SLIT3: variants seen among roughly 807,000 people sequenced by gnomAD.
SLIT3 encodes the protein slit homolog 3 protein.
A neutral mutation model predicts 184.0 loss-of-function variants in SLIT3; 68 were observed. The observed-to-expected ratio is 0.37, with a 90% CI of 0.30 to 0.45. SLIT3 has a LOEUF of 0.45. SLIT3 is among the 20% of genes least tolerant of loss of function. The pLI is 1.00. For missense variants in SLIT3, 1,707 were observed against 2,026.0 expected, an observed-to-expected ratio of 0.84 and a Z score of 3.02; for synonymous variants, 831 against 828.6, an observed-to-expected ratio of 1.00 and a Z score of -0.05.
At chr5:168,891,774 T>C (rs1287014952) in intron 4 of SLIT3, among the ~76,000 whole-genome samples, 1 of 152,240 alleles carries the variant, frequency 6.6e-6, no homozygotes, top group Non-Finnish European at 1.5e-5. Context: ...GCTCTGTGAC[T>C]AGTTACCAAT....
At chr5:168,909,662 G>A (rs1350786700) in intron 4 of SLIT3, among the ~76,000 whole-genome samples, 1 of 152,184 alleles carries the variant, frequency 6.6e-6, no homozygotes, top group Non-Finnish European at 1.5e-5. Flanking sequence ...TGAGAATAGA[G>A]CCTGAAGATT....
At chr5:169,175,881 T>C (rs1415462648) in intron 4 of SLIT3, among the ~76,000 whole-genome samples, 2 of 152,186 alleles carry the variant, frequency 1.3e-5, no homozygotes, top group Middle Eastern at 3.2e-3. Context: ...TATGTCTCCA[T>C]GTTGGCTGCA....
chr5:168,872,015 C>G lies in SLIT3; in HGVS notation c.485+11250G>C, dbSNP rs552785810. Among the ~76,000 whole-genome samples, 10 of 152,318 alleles carry G rather than the reference C, an allele frequency of 6.6e-5. No homozygotes were observed. The East Asian group carries it at 1.4e-3, about 21-fold the overall frequency. On this transcript the variant is annotated intron_variant, in intron 5 of 35. Coordinates refer to ENST00000519560, the MANE Select transcript of SLIT3 (RefSeq NM_003062.4). Reference sequence around the variant, plus strand: ...ACTGGTCTTTTCTCTGAAGGAGAGACTTTCACACTCATACGCTTCACACTG... The same window carrying G: ...ACTGGTCTTTTCTCTGAAGGAGAGAGTTTCACACTCATACGCTTCACACTG...
chr5:168,821,873 G>A (rs1282739642), intron 7 of SLIT3, among the ~76,000 whole-genome samples: 1 of 152,180 alleles, frequency 6.6e-6, no homozygotes, highest in Non-Finnish European at 1.5e-5. Flanking sequence ...CAAACTCTGT[G>A]TCCTTCTTAG....
At chr5:169,037,211 G>A (rs1757285637) in intron 4 of SLIT3, among the ~76,000 whole-genome samples, 1 of 152,208 alleles carries the variant, frequency 6.6e-6, no homozygotes. Flanking sequence ...AGCATTAGTA[G>A]TCACTTTTTA....
chr5:169,220,003 C>A (rs1764568862), intron 3 of SLIT3, among the ~76,000 whole-genome samples: 1 of 152,196 alleles, frequency 6.6e-6, no homozygotes, highest in South Asian at 2.1e-4. Flanking sequence ...CAGCTCACGT[C>A]TGCTCACTCA....
intron 6 of SLIT3, among the ~76,000 whole-genome samples, chr5:168,841,500 A>G (rs995853672): frequency 6.6e-6 from 1 of 152,178 alleles, no homozygotes; most frequent in Non-Finnish European, 1.5e-5. Flanking sequence ...CCTGTCCACC[A>G]TACTCTGCAC....
intron 4 of SLIT3, among the ~76,000 whole-genome samples, chr5:168,940,121 G>A (rs376119914): frequency 3.3e-5 from 5 of 152,290 alleles, no homozygotes; most frequent in East Asian, 3.9e-4. Flanking sequence ...AATGAGATGC[G>A]GGTGATAAAT....
At chr5:169,114,892 C>T (rs963513609) in intron 4 of SLIT3, among the ~76,000 whole-genome samples, 1 of 152,222 alleles carries the variant, frequency 6.6e-6, no homozygotes, top group South Asian at 2.1e-4. Flanking sequence ...GGCAATTTTC[C>T]AGCTAAATTC....
intron 5 of SLIT3, among the ~76,000 whole-genome samples, chr5:168,855,737 G>C (rs1486285690): frequency 6.6e-6 from 1 of 152,212 alleles, no homozygotes; most frequent in African/African-American, 2.4e-5. Flanking sequence ...GGAATGGGGA[G>C]TGACTGCCGA....
intron 4 of SLIT3, among the ~76,000 whole-genome samples, chr5:169,126,634 C>T (rs1443012662): frequency 6.6e-6 from 1 of 152,232 alleles, no homozygotes; most frequent in Admixed American, 6.5e-5. Flanking sequence ...CAGACACAGG[C>T]TCTGCTCCCT....
chr5:169,129,555 A>C (rs12652955), intron 4 of SLIT3, among the ~76,000 whole-genome samples: 2,955 of 152,000 alleles, frequency 0.019, 61 homozygotes, highest in African/African-American at 0.055. Context: ...CAGTCCCCCC[A>C]AAAAAAAGTT....
intron 3 of SLIT3, among the ~76,000 whole-genome samples, chr5:169,241,785 G>A (rs1303205174): frequency 1.3e-5 from 2 of 152,156 alleles, no homozygotes; most frequent in Non-Finnish European, 2.9e-5. Context: ...GAAGACACCT[G>A]TGTTATGAGA....
At chr5:169,112,442 C>T (rs1245313448) in intron 4 of SLIT3, among the ~76,000 whole-genome samples, 2 of 152,150 alleles carry the variant, frequency 1.3e-5, no homozygotes, top group African/African-American at 4.8e-5. Flanking sequence ...AAGCACAGTG[C>T]CAGGCACAAG....
intron 4 of SLIT3, among the ~76,000 whole-genome samples, chr5:169,128,553 C>T (rs139626334): frequency 0.013 from 1,976 of 152,104 alleles, 37 homozygotes; most frequent in African/African-American, 0.044. Context: ...CTCAGCTTCC[C>T]GAGTAGTTGG....
At chr5:168,766,406 C>T (rs922605860) in intron 14 of SLIT3, among the ~76,000 whole-genome samples, 2 of 152,238 alleles carry the variant, frequency 1.3e-5, no homozygotes, top group Admixed American at 1.3e-4. Context: ...CTAAGGAGAA[C>T]ACTGCCAGGC....
rs544331532 is a variant in SLIT3 at position 169,129,197 on chromosome 5, C to T, written c.413+64282G>A. ...CAGGAGAGCACGTGTGAGTAAGATG[C>T]CCCTCTCTAATGTGCTGAAATGGCA... On this transcript the variant is annotated intron_variant, in intron 4 of 35. Transcript: ENST00000519560. 1.4e-4 allele frequency among the ~76,000 whole-genome samples: 21 copies of T among 152,238 alleles called. 1 individual carries two copies. In the South Asian group the frequency reaches 4.4e-3, roughly 32 times the overall value.
chr5:169,054,142 T>C (rs1757907854), intron 4 of SLIT3, among the ~76,000 whole-genome samples: 1 of 150,624 alleles, frequency 6.6e-6, no homozygotes, highest in African/African-American at 2.5e-5. Flanking sequence ...ATTGAGGCTA[T>C]TAGTGTGGGC....
At chr5:169,066,854 C>G (rs1758364741) in intron 4 of SLIT3, among the ~76,000 whole-genome samples, 1 of 146,454 alleles carries the variant, frequency 6.8e-6, no homozygotes, top group Admixed American at 7.0e-5. Flanking sequence ...CTTGGCTGAA[C>G]TTAAGAAATG....
Sources: gnomAD v4.1 joint callset for allele counts (sites outside exome capture counted in the v4.1 genomes callset) on GRCh38, gnomAD v4.1.1 for gene constraint, MANE v1.5 for transcripts, NCBI Gene and HGNC (gene_info 2026-07-23, HGNC 2026-07-21) for gene names.